The following CDK11B variants were observed in gnomAD, a reference collection of about 807,000 sequenced individuals.
CDK11B encodes the protein cyclin-dependent kinase 11B.
A neutral mutation model predicts 84.0 loss-of-function variants in CDK11B; 37 were observed. The observed-to-expected ratio is 0.44, with a 90% CI of 0.34 to 0.58. The LOEUF (loss-of-function observed/expected upper bound fraction) is 0.58, where lower values mean the gene tolerates loss of function less well. Among genes scored for constraint, CDK11B ranks in the 20% least tolerant of loss-of-function variants. The pLI, the probability that CDK11B is intolerant of heterozygous loss-of-function variation, is 0.02. For missense variants in CDK11B, 427 were observed against 834.0 expected, an observed-to-expected ratio of 0.51 and a Z score of 6.01; for synonymous variants, 269 against 309.8, an observed-to-expected ratio of 0.87 and a Z score of 1.38.
chr1:1,648,850 G>C (rs1641517276), intron 5 of CDK11B, among the ~76,000 whole-genome samples: 1 of 151,888 alleles, frequency 6.6e-6, no homozygotes, highest in African/African-American at 2.4e-5. Flanking sequence ...GCTTACTGCA[G>C]CCTTGACCTC....
At chr1:1,647,538 G>C (rs1029346401) in intron 5 of CDK11B, among the ~76,000 whole-genome samples, 3 of 152,202 alleles carry the variant, frequency 2.0e-5, no homozygotes, top group African/African-American at 7.2e-5. Flanking sequence ...CAAATACCTC[G>C]AGCACAGTAA....
chr1:1,641,352 TAAA>T (rs1472384896), intron 9 of CDK11B, among the ~76,000 whole-genome samples: 3 of 147,678 alleles, frequency 2.0e-5, no homozygotes, highest in Admixed American at 2.0e-4. Flanking sequence ...CGACTAAAAA[TAAA>T]AAAATTATCC....
rs1235891042 is a variant in CDK11B, at chr1:1,636,401, G to A, written c.1998C>T (p.His666=). 8 of 1,611,004 alleles carry A rather than the reference G, an allele frequency of 5.0e-6. No homozygotes were observed. Among genetic ancestry groups the A allele is most frequent in the Admixed American group, 1.7e-5 (1 of 59,568 alleles). The part of the protein sequence containing the change: ...PAVKKMTFSE[H]PYNNLRKRFG... ...AGCGCTTGCGGAGGTTGTTGTAGGG[G>A]TGCTCGCTGAAGGTCATCTTCTTGA... Residue 666 remains histidine, a synonymous_variant, in exon 18 of 20, where the codon CAC becomes CAT. Transcript: ENST00000341832.
intron 4 of CDK11B, among the ~76,000 whole-genome samples, chr1:1,652,098 C>G (rs1205778901): frequency 6.7e-6 from 1 of 149,204 alleles, no homozygotes; most frequent in East Asian, 2.0e-4. Flanking sequence ...CGGTCTGTGA[C>G]ACATGCATGC....
chr1:1,658,980 G>T lies in CDK11B; in HGVS notation c.-80C>A. 5.0e-6 allele frequency: 1 copy of T among 198,660 alleles called. No individual in the cohort carries two copies. Among genetic ancestry groups the T allele is most frequent in the South Asian group, 6.4e-5 (1 of 15,680 alleles). The allele number at this position is 198,660 out of a possible 1,614,324, so 12.3% of individuals were successfully genotyped here. On this transcript the variant is annotated 5_prime_UTR_variant, in exon 1 of 20. Coordinates refer to ENST00000341832, the MANE Select transcript of CDK11B (RefSeq NM_033486.3). Reference sequence around the variant, plus strand: ...CGGAGCCAGAGAAGAAACAGCAACCGGCGCGCGCCAAAAGTATCGTCACTT... The same window carrying T: ...CGGAGCCAGAGAAGAAACAGCAACCTGCGCGCGCCAAAAGTATCGTCACTT...
intron 3 of CDK11B, among the ~76,000 whole-genome samples, 171 bp downstream of exon 3, chr1:1,655,198 G>C (rs1016569170): frequency 4.0e-5 from 6 of 151,294 alleles, no homozygotes; most frequent in Admixed American, 6.6e-5. Context: ...TTGAGAGTCA[G>C]TCACAACTGT....
At chr1:1,642,080 CTTTCACGTAACGATTAACT>C in intron 7 of CDK11B, 79 bp from the exon 8 acceptor site, 1 of 780,554 alleles carries the variant, frequency 1.3e-6, no homozygotes, top group South Asian at 1.6e-5. Context: ...AAACTAGTGC[CTTTCACGTAACGATTAACT>C]TTGCTTGGTC....
At chr1:1,648,713 G>A (rs1557701991) in intron 5 of CDK11B, among the ~76,000 whole-genome samples, 1 of 152,168 alleles carries the variant, frequency 6.6e-6, no homozygotes, top group South Asian at 2.1e-4. Context: ...TAAACTAATG[G>A]CCAGGAGTCC....
Position 1,654,948 on chromosome 1 carries a change from G to A in CDK11B, c.227+421C>T, listed in dbSNP as rs185015247. ...GCTGGGATTACAGGCGTGAGCCACC[G>A]CGCCCGGCCTTTTTTTCCTTTTAAG... On this transcript the variant is annotated intron_variant, in intron 3 of 19. Coordinates refer to ENST00000341832, the MANE Select transcript of CDK11B (RefSeq NM_033486.3). 9.0e-3 allele frequency among the ~76,000 whole-genome samples: 1,372 copies of A among 151,916 alleles called. 15 individuals carry two copies. Among genetic ancestry groups the A allele is most frequent in the East Asian group, 0.035 (183 of 5,172 alleles).
At chr1:1,645,900 G>A (rs369945745) in intron 5 of CDK11B, 18 of 348,536 alleles carry the variant, frequency 5.2e-5, no homozygotes, top group East Asian at 3.8e-4. Flanking sequence ...GTGCAGTGGC[G>A]CAATCTCGGC....
intron 9 of CDK11B, 32 bp downstream of exon 9, chr1:1,641,630 C>T: frequency 7.3e-7 from 1 of 1,371,138 alleles, no homozygotes; most frequent in Non-Finnish European, 9.7e-7. Context: ...AGTGAAGTCA[C>T]AACACCTCAC....
chr1:1,640,468 C>T lies in CDK11B; in HGVS notation c.1076-16G>A, dbSNP rs1354006446. On this transcript the variant is annotated splice_polypyrimidine_tract_variant and intron_variant, in intron 10 of 19. Transcript: ENST00000341832. ...GACTCTGGAACTGGAAAAGTTGAAC[C>T]TAATTACGAAGCTAGGAGTAAGCAA... is the stretch of plus-strand genomic sequence containing the variant. 1 of 1,613,782 alleles carries T rather than the reference C, an allele frequency of 6.2e-7. No individual in the cohort carries two copies. The highest frequency in any genetic ancestry group is 1.1e-5 in the South Asian group (1 of 91,082).
At chr1:1,647,726 G>A (rs555061115) in intron 5 of CDK11B, among the ~76,000 whole-genome samples, 2 of 152,356 alleles carry the variant, frequency 1.3e-5, no homozygotes, top group South Asian at 2.1e-4. Flanking sequence ...CGTCTTTGGC[G>A]AGATCACAGC....
In CDK11B at chr1:1,649,560, G is replaced by T; in HGVS notation, c.433C>A (p.Arg145Ser). The change falls in exon 5 of 20, where the codon CGC becomes AGC. Residue 145 changes from arginine (R) to serine (S), a missense_variant. Around this residue, in one of 12 missense-constraint regions of CDK11B, gnomAD observed 71 missense variants for 66.2 expected, o/e 1.07. Coordinates refer to ENST00000341832, the MANE Select transcript of CDK11B (RefSeq NM_033486.3). ...KRHREEQDKARREWERQKRRE... is the reference protein window; with the variant it reads ...KRHREEQDKASREWERQKRRE... ...CTCTTCTGTCTTTCCCATTCCCGGC[G>T]AGCTTTATCCTGTTCTTCTCGATGC... 6.2e-7 allele frequency: 1 copy of T among 1,604,544 alleles called. No homozygotes were observed. Among genetic ancestry groups the T allele is most frequent in the Non-Finnish European group, 8.5e-7 (1 of 1,171,510 alleles).
chr1:1,655,239 C>T (rs1435409377), intron 3 of CDK11B, 130 bp downstream of exon 3: 3 of 1,173,054 alleles, frequency 2.6e-6, no homozygotes, highest in Admixed American at 3.0e-5. Flanking sequence ...TACGCTATGT[C>T]ACAGTAACTC....
At chr1:1,654,862 G>A (rs1345001080) in intron 3 of CDK11B, among the ~76,000 whole-genome samples, 1 of 150,084 alleles carries the variant, frequency 6.7e-6, no homozygotes, top group African/African-American at 2.5e-5. Context: ...GTTTCACTGT[G>A]TTAGCCAGGA....
At chr1:1,641,413 G>A (rs1288602093) in intron 9 of CDK11B, among the ~76,000 whole-genome samples, 4 of 147,858 alleles carry the variant, frequency 2.7e-5, no homozygotes, top group Non-Finnish European at 4.6e-5. Flanking sequence ...GGAGGCTGAG[G>A]CGGGAGGATC....
rs747727041 is a variant in CDK11B at position 1,637,074 on chromosome 1, G to T, written c.1692+7C>A. 1.2e-6 allele frequency: 2 copies of T among 1,613,548 alleles called. No homozygotes were observed. The highest frequency in any genetic ancestry group is 1.7e-6 in the Non-Finnish European group (2 of 1,179,828). On this transcript the variant is annotated splice_region_variant and intron_variant, in intron 15 of 19. Coordinates refer to ENST00000341832, the MANE Select transcript of CDK11B (RefSeq NM_033486.3). ...CCCTGGGATGGGCCACTCGGAGGGG[G>T]GCTCACCTTGAGGATGCCGGCGTGG...
Position 1,636,791 on chromosome 1 carries a change from G to A in CDK11B, c.1808C>T (p.Ser603Phe). The A allele has an allele frequency of 1.2e-6, 2 of 1,613,882 alleles. No individual in the cohort carries two copies. The highest frequency in any genetic ancestry group is 1.1e-5 in the South Asian group (1 of 91,084). The change falls in exon 17 of 20, where the codon TCC becomes TTC. Residue 603 changes from serine to phenylalanine, a missense_variant. Physicochemically the swap from Ser to Phe is radical, Grantham distance 155. Transcript: ENST00000341832. Reference protein sequence around the residue: ...PELLLGAKEYSTAVDMWSVGC... With the variant: ...PELLLGAKEYFTAVDMWSVGC... ...CACTGACCACATGTCCACGGCCGTG[G>A]AGTATTCCTAAGAGGTCAGGAGAGG...
Sources: gnomAD v4.1 joint callset for allele counts (sites outside exome capture counted in the v4.1 genomes callset) on GRCh38, gnomAD v4.1.1 for gene constraint, gnomAD v4.1.1 regional missense constraint, MANE v1.5 for transcripts, NCBI Gene and HGNC (gene_info 2026-07-23, HGNC 2026-07-21) for gene names.